ITGB4: variants seen among roughly 807,000 people sequenced by gnomAD.
The protein encoded by ITGB4 is integrin beta-4.
ITGB4 carries 159 observed loss-of-function variants against 207.6 expected under a neutral mutation model. The observed-to-expected ratio is 0.77, with a 90% CI of 0.67 to 0.87. The LOEUF is 0.87. ITGB4 is among the 40% of genes least tolerant of loss of function. The probability of loss-of-function intolerance (pLI) is 0.00; values close to 1 mark genes in which losing one functional copy is unlikely to be tolerated. For synonymous variants in ITGB4, 1,020 were observed against 1,062.7 expected, an observed-to-expected ratio of 0.96 and a Z score of 0.78; for missense variants, 2,278 against 2,546.8, an observed-to-expected ratio of 0.89 and a Z score of 2.27.
In ITGB4 at chr17:75,752,209, A is replaced by C. The variant is rs1345103799; in HGVS notation, c.3829A>C (p.Asn1277His). ...IGPMKKVLVD[N>H]PKNRMLLIEN... is the part of the protein sequence containing the mutation. ...GCCCATGAAGAAAGTGCTGGTTGAC[A>C]ACCCTAAGAACCGGATGCTGCTTAT... is the stretch of plus-strand genomic sequence containing the variant. The change falls in exon 31 of 40, where the codon AAC becomes CAC. Residue 1277 changes from asparagine to histidine, a missense_variant. Physicochemically the swap from Asn to His is moderately conservative, Grantham distance 68 (BLOSUM62 1). Coordinates refer to ENST00000200181, the MANE Select transcript of ITGB4 (RefSeq NM_000213.5). 5 of 1,613,810 alleles carry C rather than the reference A, an allele frequency of 3.1e-6. No homozygotes were observed. The highest frequency in any genetic ancestry group is 4.2e-6 in the Non-Finnish European group (5 of 1,180,024).
At position 75,756,601 on chromosome 17, in the gene ITGB4, A is replaced by G. The variant is rs1179561153; in HGVS notation, c.4881A>G (p.Pro1627=). Residue 1627 remains proline (P), a synonymous_variant, in exon 36 of 40, where the codon CCA becomes CCG. Transcript: ENST00000200181. ...AATCCCAGGTGCACCCGCAGAGCCC[A>G]CTGTGTCCCCTGCCAGGTGAGTTGC... ...TIESQVHPQS[P]LCPLPGSAFT... is the part of the protein sequence containing the mutation. 1 of 1,612,820 alleles carries G rather than the reference A, an allele frequency of 6.2e-7. No individual in the cohort carries two copies. The highest frequency in any genetic ancestry group is 8.5e-7 in the Non-Finnish European group (1 of 1,179,930).
chr17:75,737,235 C>A, intron 16 of ITGB4, 87 bp from the exon 17 acceptor site: 1 of 1,517,078 alleles, frequency 6.6e-7, no homozygotes, highest in Non-Finnish European at 8.9e-7. Context: ...AGGCAGATCG[C>A]AGAGTAGGGG....
In ITGB4 at chr17:75,756,697, C is replaced by T. The variant is rs530599037; in HGVS notation, c.4898-7C>T. The T allele has an allele frequency of 8.7e-6, 14 of 1,613,264 alleles. No homozygotes were observed. The highest frequency in any genetic ancestry group is 1.1e-5 in the Non-Finnish European group (13 of 1,180,020). On this transcript the variant is annotated splice_polypyrimidine_tract_variant and splice_region_variant and intron_variant, in intron 36 of 39. Transcript: ENST00000200181. ...ACAGGCTGATGCTCTTCCTCTACTG[C>T]CCCCAGGCTCCGCCTTCACTTTGAG...
Position 75,742,942 on chromosome 17 carries a change from C to T in ITGB4, c.2962+181C>T, listed in dbSNP as rs2061149568. Among the ~76,000 whole-genome samples, 1 of 152,206 alleles carries T rather than the reference C, an allele frequency of 6.6e-6. No homozygotes were observed. The highest frequency in any genetic ancestry group is 6.5e-5 in the Admixed American group (1 of 15,284). Reference sequence around the variant, plus strand: ...CTTTTACGGAATGCGTGGCTGTTCACCTCGCCACAGTGCCTGCCTGGTGGT... The same window carrying T: ...CTTTTACGGAATGCGTGGCTGTTCATCTCGCCACAGTGCCTGCCTGGTGGT... On this transcript the variant is annotated intron_variant, in intron 25 of 39. Transcript: ENST00000200181. The surrounding 1 kb of genome is among the most constrained non-coding windows in gnomAD (Gnocchi z 5.9).
intron 27 of ITGB4, among the ~76,000 whole-genome samples, chr17:75,749,344 A>C (rs1019286544): frequency 6.6e-6 from 1 of 151,334 alleles, no homozygotes; most frequent in African/African-American, 2.4e-5. Context: ...CCTGGGCAAC[A>C]TAGTGAGACC....
Position 75,742,714 on chromosome 17 carries a change from C to G in ITGB4, c.2915C>G (p.Ala972Gly), listed in dbSNP as rs1295526237. The G allele has an allele frequency of 1.2e-6, 2 of 1,613,324 alleles. No homozygotes were observed. The change falls in exon 25 of 40, where the codon GCC (alanine) becomes GGC (glycine). Residue 972 changes from alanine to glycine, a missense_variant. Coordinates refer to ENST00000200181, the MANE Select transcript of ITGB4 (RefSeq NM_000213.5). This position sits in a 1 kb window ranked among gnomAD's most constrained non-coding sequence, Gnocchi z 5.9. Reference sequence around the variant, plus strand: ...GCCATCGACGTGCCCGCAGGCACTGCCACCCTCGGCCGCCGCCTGGTAAAC... The same window carrying G: ...GCCATCGACGTGCCCGCAGGCACTGGCACCCTCGGCCGCCGCCTGGTAAAC... ...VEAIDVPAGT[A>G]TLGRRLVNIT...
At chr17:75,756,144 T>C (rs1167083824) in intron 35 of ITGB4, among the ~76,000 whole-genome samples, 1 of 152,168 alleles carries the variant, frequency 6.6e-6, no homozygotes, top group Admixed American at 6.5e-5. Context: ...CTGAGATGCC[T>C]TTGGGGGAAC....
rs573766039 is a variant in ITGB4, at chr17:75,752,901, G to A, written c.4108+324G>A. On this transcript the variant is annotated intron_variant, in intron 32 of 39. Transcript: ENST00000200181. ...ACCCCCCAGGGGCAGGCCTGGCCCA[G>A]GAGCCCTGGGCAGCCACCAGGCGGC... Among the ~76,000 whole-genome samples, 13 of 152,272 alleles carry A rather than the reference G, an allele frequency of 8.5e-5. No individual in the cohort carries two copies. In the East Asian group the frequency reaches 1.7e-3, roughly 20 times the overall value.
At chr17:75,745,749 C>T (rs1375967558) in intron 26 of ITGB4, among the ~76,000 whole-genome samples, 1 of 151,972 alleles carries the variant, frequency 6.6e-6, no homozygotes, top group Non-Finnish European at 1.5e-5. Context: ...CATGGTGACA[C>T]GTGCCTCTAA....
In ITGB4 at chr17:75,736,160, C is replaced by T. The variant is rs747752799; in HGVS notation, c.1761+6C>T. 1.2e-4 allele frequency: 194 copies of T among 1,613,606 alleles called. 2 individuals carry two copies. Among genetic ancestry groups the T allele is most frequent in the East Asian group, 2.9e-4 (13 of 44,880 alleles). ...CCTGCATCGACAGCAATGGGGTAGG[C>T]CTGGGCATAAGACAGACAGTGTCTG... On this transcript the variant is annotated splice_donor_region_variant and intron_variant, in intron 14 of 39. Coordinates refer to ENST00000200181, the MANE Select transcript of ITGB4 (RefSeq NM_000213.5).
In ITGB4 at chr17:75,731,155, G is replaced by GA. The variant is rs1599231055; in HGVS notation, c.1093-90dup. 26 of 1,601,610 alleles carry GA rather than the reference G, an allele frequency of 1.6e-5. No homozygotes were observed. In the East Asian group the frequency reaches 5.4e-4, roughly 33 times the overall value. On this transcript the variant is annotated intron_variant, in intron 9 of 39. Coordinates refer to ENST00000200181, the MANE Select transcript of ITGB4 (RefSeq NM_000213.5). The surrounding 1 kb of genome is among the most constrained non-coding windows in gnomAD (Gnocchi z 6.8). ...TGGCCCTGGCTCCTGCAGGCTCTGTGATACCCCGCATGATGCCAGCCACAC... is the reference window on the plus strand; with the variant it reads ...TGGCCCTGGCTCCTGCAGGCTCTGTGAATACCCCGCATGATGCCAGCCACAC...
At position 75,754,804 on chromosome 17, in the gene ITGB4, T is replaced by C. The variant is rs2061450004; in HGVS notation, c.4547T>C (p.Val1516Ala). 7 of 1,613,744 alleles carry C rather than the reference T, an allele frequency of 4.3e-6. No individual in the cohort carries two copies. Among genetic ancestry groups the C allele is most frequent in the Non-Finnish European group, 5.1e-6 (6 of 1,179,948 alleles). The change falls in exon 34 of 40, where the codon GTC (valine) becomes GCC (alanine). Residue 1516 changes from valine to alanine, a missense_variant. Coordinates refer to ENST00000200181, the MANE Select transcript of ITGB4 (RefSeq NM_000213.5). Reference protein sequence around the residue: ...LPRDYSTLTSVSSHDSRLTAG... With the variant: ...LPRDYSTLTSASSHDSRLTAG... The stretch of plus-strand genomic sequence containing the variant: ...AGGGACTACTCCACCCTCACCTCCG[T>C]CTCCTCCCACGGTGAGTGACCTCAG...
chr17:75,731,501 C>T lies in ITGB4; in HGVS notation c.1215+133C>T, dbSNP rs1161214085. Reference sequence around the variant, plus strand: ...CTGGGTGCAGATCCCTGGGCCTAGCCGCTCGGATGAGCCTAGGTTGCTCCT... The same window carrying T: ...CTGGGTGCAGATCCCTGGGCCTAGCTGCTCGGATGAGCCTAGGTTGCTCCT... On this transcript the variant is annotated intron_variant, in intron 10 of 39. Transcript: ENST00000200181. The surrounding 1 kb of genome is among the most constrained non-coding windows in gnomAD (Gnocchi z 6.8). 2.0e-5 allele frequency: 19 copies of T among 955,922 alleles called. No individual in the cohort carries two copies. Among genetic ancestry groups the T allele is most frequent in the Non-Finnish European group, 1.7e-5 (11 of 642,000 alleles). 59.2% of individuals were successfully genotyped at this position (955,922 alleles called of 1,614,324 possible).
Position 75,731,707 on chromosome 17 carries a change from A to T in ITGB4, c.1216-105A>T. The T allele has an allele frequency of 7.9e-7, 1 of 1,270,164 alleles. No individual in the cohort carries two copies. The highest frequency in any genetic ancestry group is 1.1e-6 in the Non-Finnish European group (1 of 936,496). The allele number at this position is 1,270,164 out of a possible 1,614,324, so 78.7% of individuals were successfully genotyped here. A position where few individuals can be genotyped will look rare whatever the true frequency, so the allele number is the denominator to read the frequency against. On this transcript the variant is annotated intron_variant, in intron 10 of 39. Transcript: ENST00000200181. This position sits in a 1 kb window ranked among gnomAD's most constrained non-coding sequence, Gnocchi z 6.8. ...AGGTGAGCAGGAGCTCATTTCAGGG[A>T]TCCAGACATCTCCTAGGAACTTGGG...
Position 75,752,250 on chromosome 17 carries a change from G to GAGGA in ITGB4, c.3870_3871insAGGA (p.Ser1291ArgfsTer20). The GAGGA allele has an allele frequency of 6.2e-7, 1 of 1,613,676 alleles. No individual in the cohort carries two copies. Among genetic ancestry groups the GAGGA allele is most frequent in the Non-Finnish European group, 8.5e-7 (1 of 1,180,038 alleles). ...TGCTGCTTATTGAGAACCTTCGGGAGTCCCAGCCCTACCGCTACACGGTGA... is the reference window on the plus strand; with the variant it reads ...TGCTGCTTATTGAGAACCTTCGGGAGAGGATCCCAGCCCTACCGCTACACGGTGA... On this transcript the variant is annotated frameshift_variant, in exon 31 of 40. Transcript: ENST00000200181. LOFTEE classifies it high-confidence loss of function.
At position 75,750,316 on chromosome 17, in the gene ITGB4, A is replaced by G. The variant is rs753170929; in HGVS notation, c.3474+48A>G. ...ACGACAGGTGGATGGGCGGTCTGGCACCAGCACTCACAGAAGAGGTGGGCC... is the reference window on the plus strand; with the variant it reads ...ACGACAGGTGGATGGGCGGTCTGGCGCCAGCACTCACAGAAGAGGTGGGCC... On this transcript the variant is annotated intron_variant, in intron 28 of 39. Coordinates refer to ENST00000200181, the MANE Select transcript of ITGB4 (RefSeq NM_000213.5). The surrounding 1 kb of genome is among the most constrained non-coding windows in gnomAD (Gnocchi z 5.5). The G allele has an allele frequency of 1.3e-6, 2 of 1,563,008 alleles. No homozygotes were observed. Among genetic ancestry groups the G allele is most frequent in the African/African-American group, 1.4e-5 (1 of 73,982 alleles).
Position 75,731,996 on chromosome 17 carries a change from G to A in ITGB4, c.1377+23G>A, listed in dbSNP as rs557287783. On this transcript the variant is annotated intron_variant, in intron 11 of 39. Coordinates refer to ENST00000200181, the MANE Select transcript of ITGB4 (RefSeq NM_000213.5). This position sits in a 1 kb window ranked among gnomAD's most constrained non-coding sequence, Gnocchi z 6.8. The stretch of plus-strand genomic sequence containing the variant: ...CTGGTACAACGCAGCCCCGCAGGGC[G>A]GGAGGGGAGAGCTGAGCCAAGCACC... 66 of 1,613,880 alleles carry A rather than the reference G, an allele frequency of 4.1e-5. 1 individual carries two copies. The highest frequency in any genetic ancestry group is 6.6e-5 in the South Asian group (6 of 91,076).
In ITGB4 at chr17:75,742,479, T is replaced by A. The variant is rs2061133900; in HGVS notation, c.2772T>A (p.Thr924=). The part of the protein sequence containing the change: ...LKVAPGYYTL[T]ADQDARGMVE... ...TGGCCCCCGGCTACTACACCCTCAC[T>A]GCAGACCAGGGTAGGAGGGCGGGTC... Residue 924 remains threonine, a synonymous_variant, in exon 24 of 40, where the codon ACT becomes ACA. Transcript: ENST00000200181. This position sits in a 1 kb window ranked among gnomAD's most constrained non-coding sequence, Gnocchi z 5.9. 6.2e-7 allele frequency: 1 copy of A among 1,613,018 alleles called. No homozygotes were observed. Among genetic ancestry groups the A allele is most frequent in the South Asian group, 1.1e-5 (1 of 91,050 alleles).
chr17:75,726,354 AT>A (rs1396520173), intron 2 of ITGB4, among the ~76,000 whole-genome samples: 2 of 152,178 alleles, frequency 1.3e-5, no homozygotes, highest in Non-Finnish European at 2.9e-5. Context: ...TGAGCCCAGG[AT>A]GTCGAGACTG....
Sources: allele counts gnomAD v4.1 joint callset (sites outside exome capture counted in the v4.1 genomes callset), GRCh38; gene constraint gnomAD v4.1.1; non-coding constraint Gnocchi (gnomAD v3.1); transcripts MANE v1.5; gene names NCBI Gene and HGNC (gene_info 2026-07-23, HGNC 2026-07-21).